UBE2K: variants seen among roughly 807,000 people sequenced by gnomAD.
The protein encoded by UBE2K is ubiquitin-conjugating enzyme E2 K.
A neutral mutation model predicts 30.0 loss-of-function variants in UBE2K; 6 were observed. The observed-to-expected ratio is 0.20, with a 90% CI of 0.11 to 0.39. UBE2K has a LOEUF of 0.39. UBE2K is among the 10% of genes least tolerant of loss of function. The pLI is 1.00. For synonymous variants in UBE2K, 86 were observed against 83.7 expected (o/e 1.03, Z -0.15); for missense variants, 61 against 241.6 (o/e 0.25, Z 4.96).
At chr4:39,765,938 T>TACACAC (rs1231753943) in intron 4 of UBE2K, among the ~76,000 whole-genome samples, 33 of 149,384 alleles carry the variant, frequency 2.2e-4, no homozygotes, top group Admixed American at 2.2e-3. Flanking sequence ...CATACATACA[T>TACACAC]ACACACACAC....
rs1553874880 is a variant in UBE2K at position 39,714,517 on chromosome 4, C to CATCTATATATATAT, written c.63+16129_63+16130insCTATATATATATAT. On this transcript the variant is annotated intron_variant, in intron 1 of 6. Transcript: ENST00000261427. ...TGTCCTCCTTGTCTTTTAGAAGTTT[C>CATCTATATATATAT]ATATATATATATATATATATATATA... The CATCTATATATATAT allele has an allele frequency of 1.6e-3, 66 of 41,628 alleles. 15 individuals carry two copies. The highest frequency in any genetic ancestry group is 7.6e-3 in the African/African-American group (57 of 7,522). The allele number at this position is 41,628 out of a possible 1,614,324, so 2.6% of individuals were successfully genotyped here. A position where few individuals can be genotyped will look rare whatever the true frequency, so the allele number is the denominator to read the frequency against.
chr4:39,736,203 C>T (rs1254249206), intron 1 of UBE2K, among the ~76,000 whole-genome samples: 4 of 152,184 alleles, frequency 2.6e-5, no homozygotes, highest in African/African-American at 9.7e-5. Flanking sequence ...TGCCTCACGT[C>T]TATAATCCCA....
intron 2 of UBE2K, among the ~76,000 whole-genome samples, chr4:39,739,532 C>T (rs1486563832): frequency 6.1e-5 from 9 of 147,798 alleles, no homozygotes; most frequent in South Asian, 4.3e-4. Context: ...CTGCAACCTC[C>T]GCCTCCCGGG....
chr4:39,704,442 A>G (rs547891297), intron 1 of UBE2K, among the ~76,000 whole-genome samples: 53 of 152,118 alleles, frequency 3.5e-4, no homozygotes, highest in African/African-American at 1.2e-3. Context: ...TGCAGGTAAT[A>G]TGTTTGGGGT....
intron 3 of UBE2K, among the ~76,000 whole-genome samples, chr4:39,755,154 C>T (rs968004753): frequency 6.6e-6 from 1 of 152,158 alleles, no homozygotes; most frequent in Non-Finnish European, 1.5e-5. Flanking sequence ...TCATAATAGG[C>T]ATTTCAATAA....
intron 1 of UBE2K, among the ~76,000 whole-genome samples, chr4:39,725,556 G>A (rs1160326508): frequency 6.6e-6 from 1 of 152,044 alleles, no homozygotes; most frequent in Admixed American, 6.6e-5. Context: ...CTTCCCTTGG[G>A]TCAGTTAGCT....
chr4:39,775,704 A>G (rs532345637), intron 5 of UBE2K, among the ~76,000 whole-genome samples: 1 of 152,310 alleles, frequency 6.6e-6, no homozygotes, highest in Admixed American at 6.5e-5. Context: ...GTGAGCTGAG[A>G]TCACACCATT....
At chr4:39,770,421 T>C (rs943167817) in intron 4 of UBE2K, 2 of 1,612,594 alleles carry the variant, frequency 1.2e-6, no homozygotes, top group African/African-American at 1.3e-5. Context: ...GAAGACCAGC[T>C]TCTCCACGCC....
At chr4:39,765,842 T>C (rs1272760634) in intron 4 of UBE2K, among the ~76,000 whole-genome samples, 1 of 151,886 alleles carries the variant, frequency 6.6e-6, no homozygotes, top group Non-Finnish European at 1.5e-5. Flanking sequence ...GCGTGGTGGC[T>C]CTTGCCTGTA....
chr4:39,745,496 G>C (rs1300689694), intron 2 of UBE2K, among the ~76,000 whole-genome samples: 1 of 152,044 alleles, frequency 6.6e-6, no homozygotes, highest in Non-Finnish European at 1.5e-5. Flanking sequence ...GCATTGTCTG[G>C]ATTAAATGTA....
chr4:39,739,366 A>G (rs1720551847), intron 2 of UBE2K, among the ~76,000 whole-genome samples: 1 of 150,726 alleles, frequency 6.6e-6, no homozygotes, highest in Non-Finnish European at 1.5e-5. Context: ...ATATTCTTGA[A>G]TATTTTCTTG....
Position 39,717,728 on chromosome 4 carries a change from G to GT in UBE2K, c.63+19339dup, listed in dbSNP as rs1719163927. 4.6e-5 allele frequency among the ~76,000 whole-genome samples: 7 copies of GT among 152,316 alleles called. No homozygotes were observed. The South Asian group carries it at 1.4e-3, about 32-fold the overall frequency. On this transcript the variant is annotated intron_variant, in intron 1 of 6. Transcript: ENST00000261427. ...AAGAATGAAGCCACGGACCCTTGCG[G>GT]TGAGTGTTAACAGTTCTTAAAGGCG...
chr4:39,778,536 C>G lies in UBE2K; in HGVS notation c.*102C>G, dbSNP rs1578517934. 2 of 714,994 alleles carry G rather than the reference C, an allele frequency of 2.8e-6. No individual in the cohort carries two copies. The highest frequency in any genetic ancestry group is 4.1e-5 in the South Asian group (2 of 49,038). 44.3% of individuals were successfully genotyped at this position (714,994 alleles called of 1,614,324 possible). ...CATAGATTTCTTTTAAACTGGCATTCTTGCCTAATGATGTTATCTAGGCAC... is the reference window on the plus strand; with the variant it reads ...CATAGATTTCTTTTAAACTGGCATTGTTGCCTAATGATGTTATCTAGGCAC... On this transcript the variant is annotated 3_prime_UTR_variant, in exon 7 of 7. Transcript: ENST00000261427.
intron 1 of UBE2K, among the ~76,000 whole-genome samples, chr4:39,700,986 G>A (rs1560334835): frequency 6.6e-6 from 1 of 152,326 alleles, no homozygotes; most frequent in East Asian, 1.9e-4. Flanking sequence ...GGTTTCATGA[G>A]AAATTGGTAA....
At chr4:39,770,515 TG>T in intron 4 of UBE2K, 1 of 1,607,772 alleles carries the variant, frequency 6.2e-7, no homozygotes, top group Admixed American at 1.7e-5. Flanking sequence ...GGTCCCTGGC[TG>T]CCCCCCGCCC....
intron 4 of UBE2K, among the ~76,000 whole-genome samples, chr4:39,756,703 A>G (rs1721532641): frequency 6.6e-6 from 1 of 152,174 alleles, no homozygotes; most frequent in African/African-American, 2.4e-5. Context: ...GATGATAGTT[A>G]ATTATTTAGC....
At chr4:39,752,469 T>G (rs1435899630) in intron 3 of UBE2K, among the ~76,000 whole-genome samples, 5 of 151,756 alleles carry the variant, frequency 3.3e-5, no homozygotes, top group African/African-American at 1.2e-4. Context: ...CCCGAGTAGC[T>G]GGGACTACAG....
At chr4:39,773,063 AGCTTTAT>A (rs1713017123) in intron 4 of UBE2K, among the ~76,000 whole-genome samples, 1 of 152,332 alleles carries the variant, frequency 6.6e-6, no homozygotes, top group South Asian at 2.1e-4. Flanking sequence ...GACAAATATT[AGCTTTAT>A]AAAGATATTT....
chr4:39,767,309 T>TG (rs1553880120), intron 4 of UBE2K, among the ~76,000 whole-genome samples: 2,890 of 150,964 alleles, frequency 0.019, 100 homozygotes, highest in African/African-American at 0.065. Flanking sequence ...GTTTTTTTTT[T>TG]TGTGTGTGTG....
Sources: gnomAD v4.1 joint callset for allele counts (sites outside exome capture counted in the v4.1 genomes callset) on GRCh38, gnomAD v4.1.1 for gene constraint, MANE v1.5 for transcripts, NCBI Gene and HGNC (gene_info 2026-07-23, HGNC 2026-07-21) for gene names.